The following CAMKMT variants were observed in gnomAD, a reference collection of about 807,000 sequenced individuals.
CAMKMT encodes CaM KMT.
In CAMKMT, 53 loss-of-function variants were observed where a neutral mutation model predicts 48.0. The ratio of observed to expected loss-of-function variants is 1.10; its 90% CI spans 0.89 to 1.39. The LOEUF is 1.39. Ranked by LOEUF, CAMKMT falls within the 40% of genes most tolerant of loss-of-function variation. CAMKMT has a pLI of 0.00. For missense variants in CAMKMT, 428 were observed against 402.7 expected (o/e 1.06, Z -0.54); for synonymous variants, 165 against 152.3 (o/e 1.08, Z -0.61).
At chr2:44,685,872 C>A (rs533249969) in intron 3 of CAMKMT, among the ~76,000 whole-genome samples, 1 of 151,996 alleles carries the variant, frequency 6.6e-6, no homozygotes, top group South Asian at 2.1e-4. Context: ...CTACACAGTT[C>A]TTTTGATGAG....
intron 3 of CAMKMT, among the ~76,000 whole-genome samples, chr2:44,541,143 C>G (rs1222506565): frequency 6.6e-6 from 1 of 152,134 alleles, no homozygotes; most frequent in Admixed American, 6.5e-5. Context: ...TGGCTAGTCC[C>G]ATCTCATAGG....
chr2:44,507,298 T>C (rs974455369), intron 3 of CAMKMT, among the ~76,000 whole-genome samples: 1 of 152,200 alleles, frequency 6.6e-6, no homozygotes, highest in Non-Finnish European at 1.5e-5. Flanking sequence ...TAATTTCAAT[T>C]TTGAAACTCA....
chr2:44,380,147 C>T (rs564809661), intron 2 of CAMKMT, among the ~76,000 whole-genome samples: 1 of 152,180 alleles, frequency 6.6e-6, no homozygotes, highest in Non-Finnish European at 1.5e-5. Context: ...TTATCTGCCC[C>T]AATGACTCGT....
At chr2:44,642,059 CCTTATTTGTTTGTATTTTAT>C in intron 3 of CAMKMT, among the ~76,000 whole-genome samples, 1 of 152,262 alleles carries the variant, frequency 6.6e-6, no homozygotes, top group South Asian at 2.1e-4. Flanking sequence ...AGACCTCTTA[CCTTATTTGTTTGTATTTTAT>C]CATACAGACA....
chr2:44,413,581 G>A (rs1200999738), intron 3 of CAMKMT, among the ~76,000 whole-genome samples: 2 of 151,728 alleles, frequency 1.3e-5, no homozygotes, highest in African/African-American at 2.4e-5. Flanking sequence ...GAACTGGGGC[G>A]GTAGAGGTCA....
intron 3 of CAMKMT, among the ~76,000 whole-genome samples, chr2:44,651,067 A>AT (rs1674033511): frequency 6.6e-6 from 1 of 152,228 alleles, no homozygotes; most frequent in Non-Finnish European, 1.5e-5. Context: ...TGACTGATAA[A>AT]TTACTCTATT....
intron 3 of CAMKMT, among the ~76,000 whole-genome samples, chr2:44,589,331 CT>C (rs1278930001): frequency 2.1e-4 from 11 of 53,426 alleles, no homozygotes; most frequent in African/African-American, 8.6e-4. Flanking sequence ...CCGGCCGCCC[CT>C]ACTGGGAAGT....
chr2:44,537,326 C>A (rs1476170672), intron 3 of CAMKMT, among the ~76,000 whole-genome samples: 2 of 152,034 alleles, frequency 1.3e-5, no homozygotes, highest in African/African-American at 4.8e-5. Flanking sequence ...GTAAAACAAA[C>A]AAACAAACAG....
At chr2:44,679,840 T>A (rs555973787) in intron 3 of CAMKMT, among the ~76,000 whole-genome samples, 2 of 152,382 alleles carry the variant, frequency 1.3e-5, no homozygotes, top group Admixed American at 6.5e-5. Context: ...CTGTGCAGGA[T>A]GATAATTGCT....
chr2:44,765,392 G>A (rs970440239), intron 9 of CAMKMT, among the ~76,000 whole-genome samples: 3 of 152,124 alleles, frequency 2.0e-5, no homozygotes, highest in Non-Finnish European at 4.4e-5. Flanking sequence ...ATGGCTGGCT[G>A]GTGTGAATGA....
intron 7 of CAMKMT, among the ~76,000 whole-genome samples, chr2:44,729,175 T>C (rs1046610556): frequency 7.2e-5 from 11 of 152,066 alleles, no homozygotes; most frequent in African/African-American, 2.7e-4. Context: ...GAGATAGCCA[T>C]TTGGAAATTT....
intron 10 of CAMKMT, among the ~76,000 whole-genome samples, chr2:44,768,031 T>A (rs1234366350): frequency 1.3e-5 from 2 of 152,188 alleles, no homozygotes; most frequent in Non-Finnish European, 2.9e-5. Flanking sequence ...TGAGGAGCGT[T>A]GGGACATGCC....
intron 3 of CAMKMT, among the ~76,000 whole-genome samples, chr2:44,421,046 C>G (rs1360197686): frequency 6.6e-6 from 1 of 151,954 alleles, no homozygotes; most frequent in Non-Finnish European, 1.5e-5. Context: ...GTTAGGGTAG[C>G]AATGGTTAAA....
intron 3 of CAMKMT, among the ~76,000 whole-genome samples, chr2:44,624,734 A>G (rs1186788091): frequency 6.6e-6 from 1 of 152,144 alleles, no homozygotes; most frequent in Non-Finnish European, 1.5e-5. Context: ...ATTGTTGGAC[A>G]TTTGGGTTGG....
At chr2:44,690,649 G>T (rs1676594964) in intron 3 of CAMKMT, among the ~76,000 whole-genome samples, 1 of 152,176 alleles carries the variant, frequency 6.6e-6, no homozygotes, top group Non-Finnish European at 1.5e-5. Context: ...GTGTTTGCCA[G>T]GTAGTAAGTG....
intron 3 of CAMKMT, among the ~76,000 whole-genome samples, chr2:44,630,450 T>C (rs1364871929): frequency 6.8e-6 from 1 of 147,826 alleles, no homozygotes; most frequent in Non-Finnish European, 1.5e-5. Flanking sequence ...ACCATCAGAG[T>C]GAACAGGCAA....
intron 3 of CAMKMT, among the ~76,000 whole-genome samples, chr2:44,687,105 G>A (rs958049921): frequency 4.6e-5 from 7 of 152,132 alleles, no homozygotes; most frequent in African/African-American, 1.7e-4. Context: ...TTTGACATGT[G>A]TTTAAACATA....
intron 3 of CAMKMT, among the ~76,000 whole-genome samples, chr2:44,622,434 C>G (rs1030108711): frequency 2.6e-5 from 4 of 152,088 alleles, no homozygotes; most frequent in African/African-American, 9.7e-5. Context: ...TACACTTGAA[C>G]CCATCACCCA....
chr2:44,650,800 T>C (rs1378593284), intron 3 of CAMKMT, among the ~76,000 whole-genome samples: 2 of 151,206 alleles, frequency 1.3e-5, no homozygotes, highest in Non-Finnish European at 2.9e-5. Context: ...GTAAAGATTA[T>C]AAAAGATTCA....
Sources: gnomAD v4.1 joint callset for allele counts (sites outside exome capture counted in the v4.1 genomes callset) on GRCh38, gnomAD v4.1.1 for gene constraint, MANE v1.5 for transcripts, NCBI Gene and HGNC (gene_info 2026-07-23, HGNC 2026-07-21) for gene names.